Variants in IPCEF1 observed in about 807,000 individuals in gnomAD.
IPCEF1 encodes interaction protein for cytohesin exchange factors 1, also known as interactor protein for cytohesin exchange factors 1.
IPCEF1 carries 31 observed loss-of-function variants against 50.9 expected under a neutral mutation model. That is an observed-to-expected ratio of 0.61 (90% confidence interval 0.46 to 0.82). The LOEUF (loss-of-function observed/expected upper bound fraction) is 0.82. IPCEF1 is among the 40% of genes least tolerant of loss of function. The pLI is 0.00. For missense variants in IPCEF1, 458 were observed against 514.0 expected (o/e 0.89, Z 1.05); for synonymous variants, 181 against 192.0 (o/e 0.94, Z 0.47).
At chr6:154,296,595 C>A (rs564847643) in intron 1 of IPCEF1, among the ~76,000 whole-genome samples, 1 of 151,914 alleles carries the variant, frequency 6.6e-6, no homozygotes. Flanking sequence ...TTTGGGAGGC[C>A]GAGGAGGGCA....
chr6:154,260,364 C>A (rs747474607), intron 3 of IPCEF1, among the ~76,000 whole-genome samples: 1 of 152,078 alleles, frequency 6.6e-6, no homozygotes, highest in South Asian at 2.1e-4. Flanking sequence ...CTATGTATAA[C>A]AGTAAAAGAG....
At chr6:154,245,333 C>T (rs1399591551) in intron 5 of IPCEF1, among the ~76,000 whole-genome samples, 2 of 151,734 alleles carry the variant, frequency 1.3e-5, no homozygotes, top group Non-Finnish European at 2.9e-5. Context: ...AGCTTTGTGC[C>T]ACATTTTTCA....
chr6:154,284,337 G>T (rs185138240), intron 2 of IPCEF1, among the ~76,000 whole-genome samples: 1 of 152,342 alleles, frequency 6.6e-6, no homozygotes, highest in Admixed American at 6.5e-5. Flanking sequence ...GTTGTATAGA[G>T]ATACTGGATG....
chr6:154,324,216 A>G (rs1348492457), intron 1 of IPCEF1, among the ~76,000 whole-genome samples: 2 of 152,226 alleles, frequency 1.3e-5, no homozygotes, highest in Non-Finnish European at 2.9e-5. Context: ...AACACATCTA[A>G]TAAAGCTACA....
At chr6:154,318,561 T>C (rs1231369403) in intron 1 of IPCEF1, among the ~76,000 whole-genome samples, 1 of 151,772 alleles carries the variant, frequency 6.6e-6, no homozygotes, top group Non-Finnish European at 1.5e-5. Context: ...TAACAATATG[T>C]ATTTTCTTGG....
chr6:154,336,026 C>T (rs1399399831), intron 1 of IPCEF1, among the ~76,000 whole-genome samples: 1 of 152,092 alleles, frequency 6.6e-6, no homozygotes, highest in African/African-American at 2.4e-5. Context: ...GTAACAGATG[C>T]TGGTGAGGAG....
At chr6:154,267,770 T>C (rs1781795662) in intron 2 of IPCEF1, among the ~76,000 whole-genome samples, 1 of 152,128 alleles carries the variant, frequency 6.6e-6, no homozygotes, top group African/African-American at 2.4e-5. Context: ...CTGCAGCAGC[T>C]CTTGGCAGAG....
At chr6:154,241,206 A>G (rs531100613) in intron 5 of IPCEF1, among the ~76,000 whole-genome samples, 43 of 147,390 alleles carry the variant, frequency 2.9e-4, no homozygotes, top group Non-Finnish European at 5.1e-4. Flanking sequence ...ACTGCACTTC[A>G]GCCTAGCAAC....
intron 1 of IPCEF1, among the ~76,000 whole-genome samples, chr6:154,355,880 T>A (rs911304537): frequency 3.3e-5 from 5 of 152,070 alleles, no homozygotes; most frequent in African/African-American, 4.8e-5. Flanking sequence ...CTCAAACTCC[T>A]GACCTCAAGT....
chr6:154,301,790 G>T (rs575776909), intron 1 of IPCEF1, among the ~76,000 whole-genome samples: 6 of 152,214 alleles, frequency 3.9e-5, no homozygotes, highest in Non-Finnish European at 8.8e-5. Flanking sequence ...CACATTTTAA[G>T]ATTAAGTATC....
intron 9 of IPCEF1, 126 bp downstream of exon 9, chr6:154,212,644 G>A (rs747035401): frequency 4.2e-5 from 27 of 642,394 alleles, no homozygotes; most frequent in Admixed American, 5.7e-5. Flanking sequence ...GCACTTGCTC[G>A]TTGGCAGGTA....
intron 8 of IPCEF1, among the ~76,000 whole-genome samples, 186 bp downstream of exon 8, chr6:154,214,032 G>T (rs1778182666): frequency 6.6e-6 from 1 of 152,170 alleles, no homozygotes; most frequent in African/African-American, 2.4e-5. Flanking sequence ...AGCATGGGAA[G>T]CTCTATTCCA....
At chr6:154,333,559 CAT>C (rs113454682) in intron 1 of IPCEF1, among the ~76,000 whole-genome samples, 1 of 150,460 alleles carries the variant, frequency 6.6e-6, no homozygotes, top group Non-Finnish European at 1.5e-5. Flanking sequence ...TTTATATATA[CAT>C]ATATATATAC....
chr6:154,165,842 C>G (rs1799383770), intron 11 of IPCEF1, among the ~76,000 whole-genome samples: 2 of 152,370 alleles, frequency 1.3e-5, no homozygotes, highest in South Asian at 4.1e-4. Context: ...AGCCAGTTTC[C>G]AAGTTGTGAC....
At chr6:154,283,631 G>T (rs1583944586) in intron 2 of IPCEF1, among the ~76,000 whole-genome samples, 1 of 152,220 alleles carries the variant, frequency 6.6e-6, no homozygotes, top group Admixed American at 6.5e-5. Flanking sequence ...TTTTTAAAAA[G>T]ATGTACATTT....
intron 4 of IPCEF1, 38 bp from the exon 5 acceptor site, chr6:154,246,798 C>A: frequency 4.4e-6 from 7 of 1,599,570 alleles, no homozygotes; most frequent in Non-Finnish European, 6.0e-6. Flanking sequence ...AATGTATTAC[C>A]CTGATTTGGT....
At chr6:154,191,259 G>A (rs1186960172) in intron 10 of IPCEF1, among the ~76,000 whole-genome samples, 1 of 152,188 alleles carries the variant, frequency 6.6e-6, no homozygotes, top group Non-Finnish European at 1.5e-5. Context: ...AGGATGAATA[G>A]ATGGAGCACA....
At chr6:154,216,792 C>T in intron 7 of IPCEF1, 1 of 152,428 alleles carries the variant, frequency 6.6e-6, no homozygotes, top group Non-Finnish European at 1.5e-5. Flanking sequence ...CGCTTGAACC[C>T]AGGAGGCAGA....
chr6:154,194,422 C>T (rs1465750071), intron 10 of IPCEF1, among the ~76,000 whole-genome samples: 1 of 152,036 alleles, frequency 6.6e-6, no homozygotes, highest in African/African-American at 2.4e-5. Context: ...ATCCTCACCT[C>T]TAAATTTATT....
Sources: gnomAD v4.1 joint callset for allele counts (sites outside exome capture counted in the v4.1 genomes callset) on GRCh38, gnomAD v4.1.1 for gene constraint, MANE v1.5 for transcripts, NCBI Gene and HGNC (gene_info 2026-07-23, HGNC 2026-07-21) for gene names.